The following ARHGEF10 variants were observed in gnomAD, a reference collection of about 807,000 sequenced individuals.
ARHGEF10 encodes Rho guanine nucleotide exchange factor 10.
Under a neutral mutation model 147.4 loss-of-function variants are expected in ARHGEF10, and 140 were observed. That is an observed-to-expected ratio of 0.95 (90% CI 0.83 to 1.09). ARHGEF10 has a LOEUF of 1.09. ARHGEF10 is among the 50% of genes least tolerant of loss of function. The pLI, the probability that ARHGEF10 is intolerant of heterozygous loss-of-function variation, is 0.00. For synonymous variants in ARHGEF10, 902 were observed against 695.8 expected (o/e 1.30, Z -4.67); for missense variants, 2,222 against 1,752.7 (o/e 1.27, Z -4.78).
chr8:1,895,165 G>A (rs1180595380), intron 13 of ARHGEF10, among the ~76,000 whole-genome samples: 1 of 152,222 alleles, frequency 6.6e-6, no homozygotes, highest in African/African-American at 2.4e-5. Context: ...GCAGGAGAAA[G>A]GGTTAGCTGC....
chr8:1,836,523 G>T (rs1003573498), intron 1 of ARHGEF10, among the ~76,000 whole-genome samples: 1 of 152,200 alleles, frequency 6.6e-6, no homozygotes, highest in Non-Finnish European at 1.5e-5. Flanking sequence ...ACAGGCTCTA[G>T]ACCCCCGGGC....
rs528267791 is a variant in ARHGEF10 at position 1,903,643 on chromosome 8, G to T, written c.1821+192G>T. The T allele has an allele frequency of 8.9e-6, 6 of 675,446 alleles. No homozygotes were observed. In the South Asian group the frequency reaches 1.1e-4, roughly 13 times the overall value. The allele number at this position is 675,446 out of a possible 1,614,324, so 41.8% of individuals were successfully genotyped here. A position where few individuals can be genotyped will look rare whatever the true frequency, so the allele number is the denominator to read the frequency against. On this transcript the variant is annotated intron_variant, in intron 16 of 28. Transcript: ENST00000349830. ...GGAAATTGTATGTAAAACCTTAACA[G>T]CCTGTCTTAACAGCATTTTCTTAGG...
chr8:1,875,076 C>T (rs1233693094), intron 7 of ARHGEF10, among the ~76,000 whole-genome samples: 1 of 24,992 alleles, frequency 4.0e-5, no homozygotes, highest in African/African-American at 1.5e-4. Context: ...CACACCACGG[C>T]GTGTAGGGGG....
chr8:1,831,050 G>A (rs1406112934), intron 1 of ARHGEF10, among the ~76,000 whole-genome samples: 5 of 152,244 alleles, frequency 3.3e-5, no homozygotes, highest in South Asian at 2.1e-4. Flanking sequence ...CCAGGGCAGC[G>A]GGGGAACTGC....
At chr8:1,873,190 C>T (rs1807279656) in intron 7 of ARHGEF10, among the ~76,000 whole-genome samples, 1 of 152,198 alleles carries the variant, frequency 6.6e-6, no homozygotes, top group Non-Finnish European at 1.5e-5. Flanking sequence ...ACTCACGCCG[C>T]CGCAGGAGGG....
At chr8:1,938,921 A>G (rs1345143478) in intron 26 of ARHGEF10, among the ~76,000 whole-genome samples, 2 of 148,834 alleles carry the variant, frequency 1.3e-5, no homozygotes, top group Non-Finnish European at 3.0e-5. Flanking sequence ...GTCCCCAGAA[A>G]CCCTGAACAC....
At chr8:1,832,861 GGCAGAGGCAGAGACAGAGAGA>G (rs1420581534) in intron 1 of ARHGEF10, among the ~76,000 whole-genome samples, 2 of 128,434 alleles carry the variant, frequency 1.6e-5, no homozygotes, top group African/African-American at 6.3e-5. Context: ...GAGAGACAGA[GGCAGAGGCAGAGACAGAGAGA>G]CAGAGGCAGA....
At chr8:1,882,787 G>A (rs752022522) in intron 10 of ARHGEF10, 38 bp downstream of exon 10, 32 of 1,374,208 alleles carry the variant, frequency 2.3e-5, no homozygotes, top group Non-Finnish European at 3.2e-5. Flanking sequence ...GAGGACACGG[G>A]GTTGGGGGGG....
At chr8:1,886,634 T>C (rs1330671998) in intron 11 of ARHGEF10, among the ~76,000 whole-genome samples, 1 of 152,194 alleles carries the variant, frequency 6.6e-6, no homozygotes, top group Non-Finnish European at 1.5e-5. Context: ...TCAACAGAGC[T>C]TGGAGACAGT....
At chr8:1,883,356 G>A (rs74780084) in intron 10 of ARHGEF10, among the ~76,000 whole-genome samples, 2,352 of 152,140 alleles carry the variant, frequency 0.015, 63 homozygotes, top group African/African-American at 0.054. Flanking sequence ...GTCGAGTTAC[G>A]GGAGGGTGAC....
chr8:1,877,884 G>A (rs1807841550), intron 8 of ARHGEF10, among the ~76,000 whole-genome samples: 1 of 152,054 alleles, frequency 6.6e-6, no homozygotes, highest in Non-Finnish European at 1.5e-5. Flanking sequence ...ACGGATGCCC[G>A]CCATAGTGAC....
At chr8:1,911,082 A>G (rs13261404) in intron 18 of ARHGEF10, among the ~76,000 whole-genome samples, 24,429 of 152,180 alleles carry the variant, frequency 0.16, 2,002 homozygotes, top group Admixed American at 0.19. Flanking sequence ...GGATTTAACT[A>G]TGAGCTTCCT....
chr8:1,880,865 G>T (rs1474579177), intron 9 of ARHGEF10, among the ~76,000 whole-genome samples: 1 of 152,178 alleles, frequency 6.6e-6, no homozygotes, highest in Non-Finnish European at 1.5e-5. Context: ...ACAGCTTCTG[G>T]AGCAGCCGGC....
At chr8:1,842,150 C>G (rs1804144303) in intron 1 of ARHGEF10, among the ~76,000 whole-genome samples, 1 of 151,714 alleles carries the variant, frequency 6.6e-6, no homozygotes, top group African/African-American at 2.4e-5. Flanking sequence ...GTGGCAGGCA[C>G]CTGAGCAAGT....
chr8:1,953,796 A>T (rs1815254781), intron 28 of ARHGEF10, among the ~76,000 whole-genome samples: 1 of 152,110 alleles, frequency 6.6e-6, no homozygotes, highest in Non-Finnish European at 1.5e-5. Context: ...AAGTTCAGTA[A>T]ACCACAGCCT....
chr8:1,929,219 T>A lies in ARHGEF10; in HGVS notation c.2922-67T>A, dbSNP rs181696619. 9.3e-5 allele frequency: 144 copies of A among 1,542,508 alleles called. No individual in the cohort carries two copies. In the African/African-American group the frequency reaches 1.6e-3, roughly 17 times the overall value. ...AGAGTTGAAATGTTTGTGTTTATGTTAACAGGCACCCTCGTTCTTGTTACA... is the reference window on the plus strand; with the variant it reads ...AGAGTTGAAATGTTTGTGTTTATGTAAACAGGCACCCTCGTTCTTGTTACA... On this transcript the variant is annotated intron_variant, in intron 24 of 28. Transcript: ENST00000349830.
chr8:1,848,778 TC>T (rs1474843147), intron 2 of ARHGEF10, among the ~76,000 whole-genome samples: 2 of 152,216 alleles, frequency 1.3e-5, no homozygotes, highest in African/African-American at 4.8e-5. Context: ...TTAGAAGTAG[TC>T]TTTTTTTTTC....
intron 17 of ARHGEF10, among the ~76,000 whole-genome samples, chr8:1,908,653 C>T (rs903672458): frequency 1.3e-5 from 2 of 152,194 alleles, no homozygotes; most frequent in Non-Finnish European, 2.9e-5. Flanking sequence ...CTGGCGATGT[C>T]ACAGCCTTGG....
intron 16 of ARHGEF10, among the ~76,000 whole-genome samples, chr8:1,905,027 G>A (rs772653933): frequency 1.3e-5 from 2 of 152,186 alleles, no homozygotes; most frequent in African/African-American, 2.4e-5. Flanking sequence ...TACTCGAGAG[G>A]CTGAGGCACG....
Sources: allele counts gnomAD v4.1 joint callset (sites outside exome capture counted in the v4.1 genomes callset), GRCh38; gene constraint gnomAD v4.1.1; transcripts MANE v1.5; gene names NCBI Gene and HGNC (gene_info 2026-07-23, HGNC 2026-07-21).